ATAD1: variants seen among roughly 807,000 people sequenced by gnomAD.
ATAD1 encodes ATPase family AAA domain containing 1, also known as outer mitochondrial transmembrane helix translocase.
A neutral mutation model predicts 42.7 loss-of-function variants in ATAD1; 18 were observed. The ratio of observed to expected loss-of-function variants is 0.42; its 90% CI spans 0.29 to 0.63. ATAD1 has a LOEUF of 0.63. Among genes scored for constraint, ATAD1 ranks in the 20% least tolerant of loss-of-function variants. The pLI is 0.19. For synonymous variants in ATAD1, 132 were observed against 143.1 expected (o/e 0.92, Z 0.55); for missense variants, 294 against 440.4 (o/e 0.67, Z 2.98).
At chr10:87,794,907 AGTCCCACTTT>A (rs1423393668) in intron 2 of ATAD1, among the ~76,000 whole-genome samples, 3 of 152,242 alleles carry the variant, frequency 2.0e-5, no homozygotes, top group African/African-American at 4.8e-5. Context: ...CTGCAACAGC[AGTCCCACTTT>A]AACAATCTCT....
At chr10:87,780,161 T>C (rs1564752123) in intron 5 of ATAD1, among the ~76,000 whole-genome samples, 2 of 152,122 alleles carry the variant, frequency 1.3e-5, no homozygotes, top group South Asian at 2.1e-4. Context: ...CATGAAAAGA[T>C]GTGGAGGAAA....
Position 87,818,198 on chromosome 10 carries a change from T to A in ATAD1, c.-45A>T, listed in dbSNP as rs1857522807. The A allele has an allele frequency of 6.1e-6, 6 of 985,606 alleles. No individual in the cohort carries two copies. The highest frequency in any genetic ancestry group is 7.2e-6 in the Non-Finnish European group (6 of 830,092). The allele number at this position is 985,606 out of a possible 1,614,324, so 61.1% of individuals were successfully genotyped here. The stretch of plus-strand genomic sequence containing the variant: ...GCAGAAACAGCAAGAGCAAGTGCCC[T>A]CAGCCGGCCTCACACAGGAAGGAAA... On this transcript the variant is annotated 5_prime_UTR_variant, in exon 1 of 10. Transcript: ENST00000680024.
intron 2 of ATAD1, among the ~76,000 whole-genome samples, chr10:87,794,065 CA>C (rs1221407078): frequency 6.6e-6 from 1 of 151,950 alleles, no homozygotes; most frequent in African/African-American, 2.4e-5. Context: ...TACAAAAAAT[CA>C]AAACTTAGCT....
chr10:87,811,991 A>T (rs1179954753), intron 2 of ATAD1, among the ~76,000 whole-genome samples: 1 of 152,162 alleles, frequency 6.6e-6, no homozygotes, highest in Non-Finnish European at 1.5e-5. Context: ...AGATTTTAAG[A>T]TGTCCTTTTT....
At chr10:87,832,826 G>A (rs1857857790) in intron 1 of ATAD1, 2 of 152,120 alleles carry the variant, frequency 1.3e-5, no homozygotes, top group Admixed American at 1.3e-4. Context: ...CCAGAGATGA[G>A]AGTCTTGCTA....
chr10:87,757,823 G>A (rs1169266388), intron 8 of ATAD1, among the ~76,000 whole-genome samples: 2 of 152,156 alleles, frequency 1.3e-5, no homozygotes, highest in African/African-American at 4.8e-5. Context: ...AAGACACAGT[G>A]TTTTAGGAAG....
At chr10:87,774,311 T>C (rs1359789330) in intron 6 of ATAD1, among the ~76,000 whole-genome samples, 2 of 152,204 alleles carry the variant, frequency 1.3e-5, no homozygotes, top group Admixed American at 1.3e-4. Context: ...TCATAACAGT[T>C]CTGAGGTAGG....
At chr10:87,791,085 G>C (rs1856083253) in intron 3 of ATAD1, among the ~76,000 whole-genome samples, 2 of 146,088 alleles carry the variant, frequency 1.4e-5, no homozygotes, top group African/African-American at 5.1e-5. Context: ...TGTGCCTGTA[G>C]TCCCAGCTAC....
intron 1 of ATAD1, among the ~76,000 whole-genome samples, chr10:87,825,465 A>G (rs1013901393): frequency 1.3e-5 from 2 of 151,836 alleles, no homozygotes; most frequent in African/African-American, 2.4e-5. Flanking sequence ...GCCCGCCACC[A>G]CACCCGGCTA....
At chr10:87,790,075 G>C (rs1031835665) in intron 4 of ATAD1, among the ~76,000 whole-genome samples, 6 of 152,136 alleles carry the variant, frequency 3.9e-5, no homozygotes, top group Non-Finnish European at 8.8e-5. Context: ...TTGGAAGTAA[G>C]AGAAAAGAAA....
At chr10:87,797,947 T>C (rs1328086287) in intron 2 of ATAD1, among the ~76,000 whole-genome samples, 1 of 152,094 alleles carries the variant, frequency 6.6e-6, no homozygotes, top group Non-Finnish European at 1.5e-5. Context: ...AGAAAGGGTG[T>C]TTTGCTCCCC....
intron 2 of ATAD1, among the ~76,000 whole-genome samples, chr10:87,798,153 G>A (rs11202558): frequency 0.02 from 3,114 of 152,278 alleles, 101 homozygotes; most frequent in African/African-American, 0.069. Flanking sequence ...CCTCTGGAGA[G>A]AGAAACCAAG....
intron 1 of ATAD1, among the ~76,000 whole-genome samples, chr10:87,815,776 T>C (rs1461914343): frequency 1.3e-5 from 2 of 152,108 alleles, no homozygotes; most frequent in Admixed American, 6.5e-5. Context: ...GACCCCAAAG[T>C]ATTTCCTTTA....
At chr10:87,823,145 C>T (rs768771566), upstream of ATAD1, among the ~76,000 whole-genome samples, 3 of 149,952 alleles carry the variant, frequency 2.0e-5, no homozygotes, top group Non-Finnish European at 4.4e-5. Context: ...TGTAAATCTA[C>T]TTTCCATGGT....
At chr10:87,776,985 A>G (rs904123287) in intron 5 of ATAD1, among the ~76,000 whole-genome samples, 1 of 152,216 alleles carries the variant, frequency 6.6e-6, no homozygotes, top group African/African-American at 2.4e-5. Flanking sequence ...AAACTTTATG[A>G]AAGATTACAA....
Position 87,784,594 on chromosome 10 carries a change from T to G in ATAD1, c.459A>C (p.Arg153=). 6.2e-7 allele frequency: 1 copy of G among 1,613,518 alleles called. No homozygotes were observed. The part of the protein sequence containing the change: ...AKATAKEAGC[R]FINLQPSTLT... ...GTGTCGAAGGCTGAAGGTTAATAAATCGACAGCCTGCTTCTTTGGCTGTGG... is the reference window on the plus strand; with the variant it reads ...GTGTCGAAGGCTGAAGGTTAATAAAGCGACAGCCTGCTTCTTTGGCTGTGG... The change falls in exon 5 of 10, where the codon CGA becomes CGC. Residue 153 remains arginine, a synonymous_variant. Coordinates refer to ENST00000680024, the MANE Select transcript of ATAD1 (RefSeq NM_001321967.2).
intron 1 of ATAD1, chr10:87,833,159 A>C (rs1857865262): frequency 6.6e-6 from 1 of 152,072 alleles, no homozygotes; most frequent in Non-Finnish European, 1.5e-5. Context: ...GCTTTCATTA[A>C]TGTTTTGTAG....
At chr10:87,825,760 G>A (rs1279629241) in intron 1 of ATAD1, among the ~76,000 whole-genome samples, 4 of 151,492 alleles carry the variant, frequency 2.6e-5, no homozygotes, top group Non-Finnish European at 5.9e-5. Context: ...GGAGTGCAGT[G>A]TCTGGATCAT....
intron 1 of ATAD1, among the ~76,000 whole-genome samples, chr10:87,830,249 C>T (rs574765939): frequency 6.6e-6 from 1 of 152,352 alleles, no homozygotes; most frequent in East Asian, 1.9e-4. Context: ...AATATAAATA[C>T]ATCCTATCTT....
Sources: allele counts gnomAD v4.1 joint callset (sites outside exome capture counted in the v4.1 genomes callset), GRCh38; gene constraint gnomAD v4.1.1; transcripts MANE v1.5; gene names NCBI Gene and HGNC (gene_info 2026-07-23, HGNC 2026-07-21).